The following USP49 variants were observed in gnomAD, a reference collection of about 807,000 sequenced individuals.
The protein encoded by USP49 is ubiquitin specific peptidase 49.
USP49 carries 24 observed loss-of-function variants against 58.6 expected under a neutral mutation model. That is an observed-to-expected ratio of 0.41 (90% CI 0.30 to 0.58). USP49 has a LOEUF of 0.58. Among genes scored for constraint, USP49 ranks in the 20% least tolerant of loss-of-function variants. The probability of loss-of-function intolerance (pLI) is 0.30; values close to 1 mark genes in which losing one functional copy is unlikely to be tolerated. For missense variants in USP49, 703 were observed against 866.1 expected (o/e 0.81, Z 2.36); for synonymous variants, 408 against 365.1 (o/e 1.12, Z -1.34).
In USP49 at chr6:41,796,392, C is replaced by A. The variant is rs1772887416; in HGVS notation, c.*141G>T. 1 of 555,062 alleles carries A rather than the reference C, an allele frequency of 1.8e-6. No individual in the cohort carries two copies. The allele number at this position is 555,062 out of a possible 1,614,324, so 34.4% of individuals were successfully genotyped here. On this transcript the variant is annotated 3_prime_UTR_variant, in exon 8 of 8. Coordinates refer to ENST00000682992, the MANE Select transcript of USP49 (RefSeq NM_001286554.2). ...AGAGACTATAAAATTTACGACAGGA[C>A]ACGAATCACCTGGCACCTTCTACTC...
intron 3 of USP49, among the ~76,000 whole-genome samples, chr6:41,844,880 C>T (rs1773894289): frequency 6.6e-6 from 1 of 151,888 alleles, no homozygotes; most frequent in Non-Finnish European, 1.5e-5. Context: ...ATGAAGATTT[C>T]TGGGGTTTTT....
At chr6:41,804,109 G>T in intron 4 of USP49, 99 bp from the exon 5 acceptor site, 2 of 1,061,466 alleles carry the variant, frequency 1.9e-6, no homozygotes, top group Non-Finnish European at 2.6e-6. Context: ...AAAACTAAGT[G>T]TATAATTTTC....
intron 3 of USP49, among the ~76,000 whole-genome samples, chr6:41,828,841 C>G (rs576464955): frequency 6.6e-6 from 1 of 151,140 alleles, no homozygotes; most frequent in Admixed American, 6.6e-5. Flanking sequence ...CTTAGGTTGT[C>G]AATACATCTG....
At chr6:41,861,531 C>T (rs767928527) in intron 3 of USP49, among the ~76,000 whole-genome samples, 1 of 152,146 alleles carries the variant, frequency 6.6e-6, no homozygotes, top group Non-Finnish European at 1.5e-5. Flanking sequence ...CCAGTAGCTT[C>T]CCTAGAGGTA....
At chr6:41,842,557 A>G (rs1773845965) in intron 3 of USP49, among the ~76,000 whole-genome samples, 1 of 152,186 alleles carries the variant, frequency 6.6e-6, no homozygotes, top group Admixed American at 6.5e-5. Context: ...ATGTCTGTGT[A>G]TATCATGTCA....
At chr6:41,894,977 C>T (rs1774871772) in intron 1 of USP49, among the ~76,000 whole-genome samples, 1 of 151,032 alleles carries the variant, frequency 6.6e-6, no homozygotes, top group South Asian at 2.1e-4. Context: ...GTCGCCCACC[C>T]CGCCAAAATA....
chr6:41,861,086 C>T (rs189752482), intron 3 of USP49, among the ~76,000 whole-genome samples: 40 of 151,428 alleles, frequency 2.6e-4, no homozygotes, highest in African/African-American at 9.7e-4. Flanking sequence ...TGAGATTGCA[C>T]CACTGCACTC....
chr6:41,876,911 G>A (rs1213295704), intron 2 of USP49, among the ~76,000 whole-genome samples: 3 of 152,210 alleles, frequency 2.0e-5, no homozygotes, highest in Admixed American at 1.3e-4. Context: ...ATAGCGGGAA[G>A]AGAACTAAAT....
rs1412178832 is a variant in USP49, at chr6:41,891,826, T to C, written c.-135A>G. The C allele has an allele frequency of 6.6e-6, 1 of 152,136 alleles. No individual in the cohort carries two copies. Among genetic ancestry groups the C allele is most frequent in the East Asian group, 1.9e-4 (1 of 5,194 alleles). 9.4% of individuals were successfully genotyped at this position (152,136 alleles called of 1,614,324 possible). On this transcript the variant is annotated 5_prime_UTR_variant, in exon 2 of 8. Transcript: ENST00000682992. The stretch of plus-strand genomic sequence containing the variant: ...GATTTAAGTGGGATATTGACTGGAG[T>C]TGCAGGATAAACTAGAGGTCCTTTC...
intron 3 of USP49, among the ~76,000 whole-genome samples, chr6:41,863,405 G>A (rs2254479): frequency 0.61 from 93,060 of 151,992 alleles, 29,445 homozygotes; most frequent in African/African-American, 0.79. Context: ...CTGTCCTTAC[G>A]CTGCATGCCT....
chr6:41,871,171 G>A (rs1774406847), intron 3 of USP49, among the ~76,000 whole-genome samples: 1 of 152,050 alleles, frequency 6.6e-6, no homozygotes, highest in South Asian at 2.1e-4. Context: ...CAAATGAACG[G>A]GATCCTCGTG....
In USP49 at chr6:41,803,700, T is replaced by C; in HGVS notation, c.1561+106A>G. ...TCTTTAAAAGATGCTTTAGAACCATTCAATATCATTAGTGTTACTTTTGAC... is the reference window on the plus strand; with the variant it reads ...TCTTTAAAAGATGCTTTAGAACCATCCAATATCATTAGTGTTACTTTTGAC... On this transcript the variant is annotated intron_variant, in intron 5 of 7. Transcript: ENST00000682992. The surrounding 1 kb of genome is among the most constrained non-coding windows in gnomAD (Gnocchi z 4.1). 1.7e-6 allele frequency: 2 copies of C among 1,211,506 alleles called. No individual in the cohort carries two copies. Among genetic ancestry groups the C allele is most frequent in the Non-Finnish European group, 2.4e-6 (2 of 842,508 alleles). The allele number at this position is 1,211,506 out of a possible 1,614,324, so 75.0% of individuals were successfully genotyped here.
In USP49 at chr6:41,796,270, CCCTCTATATTCAG is replaced by C. The variant is rs1772884961; in HGVS notation, c.*250_*262del. The C allele has an allele frequency of 5.6e-5, 20 of 359,286 alleles. No homozygotes were observed. The highest frequency in any genetic ancestry group is 8.7e-5 in the Non-Finnish European group (17 of 195,806). The allele number at this position is 359,286 out of a possible 1,614,324, so 22.3% of individuals were successfully genotyped here. A position where few individuals can be genotyped will look rare whatever the true frequency, so the allele number is the denominator to read the frequency against. On this transcript the variant is annotated 3_prime_UTR_variant, in exon 8 of 8. Transcript: ENST00000682992. ...CCGCCCCGCTTTCCTCCACCCAGAT[CCCTCTATATTCAG>C]AAGCAACTGATGAAAGGATCTTCAT...
At chr6:41,853,307 A>G (rs1359732297) in intron 3 of USP49, among the ~76,000 whole-genome samples, 2 of 152,240 alleles carry the variant, frequency 1.3e-5, no homozygotes, top group African/African-American at 4.8e-5. Flanking sequence ...GATTCCATTT[A>G]TATGAGGTAT....
chr6:41,842,295 C>G (rs1162916015), intron 3 of USP49, among the ~76,000 whole-genome samples: 1 of 151,854 alleles, frequency 6.6e-6, no homozygotes, highest in East Asian at 1.9e-4. Flanking sequence ...ATCACTTGAA[C>G]CCAGGAGGTG....
rs1443327447 is a variant in USP49 at position 41,792,779 on chromosome 6, T to C, written c.*3754A>G. On this transcript the variant is annotated 3_prime_UTR_variant, in exon 8 of 8. Transcript: ENST00000682992. ...TCCTTTAAACACTACACAGACCCAT[T>C]TGCCACTTGAAATGACAAGAAGAAA... 1 of 152,256 alleles carries C rather than the reference T, an allele frequency of 6.6e-6. No homozygotes were observed. Among genetic ancestry groups the C allele is most frequent in the Non-Finnish European group, 1.5e-5 (1 of 68,046 alleles). The allele number at this position is 152,256 out of a possible 1,614,324, so 9.4% of individuals were successfully genotyped here.
chr6:41,805,780 C>A lies in USP49; in HGVS notation c.1204G>T (p.Glu402Ter). Residue 402 changes from glutamate to a stop codon, truncating the protein, a stop_gained, in exon 4 of 8, where the codon GAA (glutamate) becomes TAA (stop). Transcript: ENST00000682992. LOFTEE classifies it high-confidence loss of function. The stretch of plus-strand genomic sequence containing the variant: ...TTGTGCAGCAGCTCGCAGAGAAATT[C>A]CTGCGCGTCCTGTTGGTCGTAGCCG... Reference protein sequence around the residue: ...FRGYDQQDAQEFLCELLHKVQ... With the variant: ...FRGYDQQDAQ The A allele has an allele frequency of 6.2e-7, 1 of 1,614,108 alleles. No individual in the cohort carries two copies. Among genetic ancestry groups the A allele is most frequent in the Non-Finnish European group, 8.5e-7 (1 of 1,180,030 alleles).
intron 3 of USP49, among the ~76,000 whole-genome samples, chr6:41,864,046 T>C (rs534120705): frequency 6.6e-6 from 1 of 152,004 alleles, no homozygotes; most frequent in East Asian, 1.9e-4. Flanking sequence ...TGGGATTTCC[T>C]GAGCCACCAC....
At chr6:41,827,261 G>C (rs1227226946) in intron 3 of USP49, among the ~76,000 whole-genome samples, 1 of 152,164 alleles carries the variant, frequency 6.6e-6, no homozygotes, top group Non-Finnish European at 1.5e-5. Context: ...CCCTAGTTAT[G>C]ACTTCACCAA....
Sources: allele counts gnomAD v4.1 joint callset (sites outside exome capture counted in the v4.1 genomes callset), GRCh38; gene constraint gnomAD v4.1.1; non-coding constraint Gnocchi (gnomAD v3.1); transcripts MANE v1.5; gene names NCBI Gene and HGNC (gene_info 2026-07-23, HGNC 2026-07-21).